The following TMEM243 variants were observed in gnomAD, a reference collection of about 807,000 sequenced individuals.
TMEM243 encodes transmembrane protein 243.
In TMEM243, 20 loss-of-function variants were observed where a neutral mutation model predicts 15.0. The ratio of observed to expected loss-of-function variants is 1.33; its 90% CI spans 0.94 to 1.93. TMEM243 has a LOEUF of 1.93. Ranked by LOEUF, TMEM243 falls within the 30% of genes most tolerant of loss-of-function variation. The pLI is 0.00. For synonymous variants in TMEM243, 72 were observed against 52.7 expected (o/e 1.37, Z -1.59); for missense variants, 156 against 142.1 (o/e 1.10, Z -0.50).
At chr7:87,209,671 CGAGAGCGAGACACAGCGA>C (rs1802528409) in intron 1 of TMEM243, among the ~76,000 whole-genome samples, 1 of 24,420 alleles carries the variant, frequency 4.1e-5, no homozygotes, top group Non-Finnish European at 7.7e-5. Flanking sequence ...CGAGAGAGAG[CGAGAGCGAGACACAGCGA>C]GAGAGCGAGA....
rs557831120 is a variant in TMEM243, at chr7:87,199,033, C to A, written c.103G>T (p.Gly35Cys). The A allele has an allele frequency of 1.2e-6, 2 of 1,605,336 alleles. No homozygotes were observed. The highest frequency in any genetic ancestry group is 4.5e-5 in the East Asian group (2 of 44,374). The change falls in exon 2 of 4, where the codon GGC becomes TGC. Residue 35 changes from glycine (G) to cysteine (C), a missense_variant. By Grantham distance (159) the Gly-to-Cys change is radical. Coordinates refer to ENST00000257637, the MANE Select transcript of TMEM243 (RefSeq NM_024315.4). The part of the protein sequence containing the change: ...AKDRIINLVV[G>C]SLTSLLILVT... ...AGAATCAATAAGGATGTTAAGCTGCCAACAACTAAATTGATGATTCGATCC... is the reference window on the plus strand; with the variant it reads ...AGAATCAATAAGGATGTTAAGCTGCAAACAACTAAATTGATGATTCGATCC...
intron 1 of TMEM243, among the ~76,000 whole-genome samples, chr7:87,212,401 C>G (rs989192184): frequency 1.3e-5 from 2 of 152,144 alleles, no homozygotes; most frequent in African/African-American, 4.8e-5. Context: ...AATATGGTCA[C>G]TATACCCATA....
At position 87,198,722 on chromosome 7, in the gene TMEM243, A is replaced by G; in HGVS notation, c.129+285T>C. 4.4e-6 allele frequency: 2 copies of G among 458,046 alleles called. 1 individual carries two copies. Among genetic ancestry groups the G allele is most frequent in the African/African-American group, 4.1e-5 (2 of 48,378 alleles). 28.4% of individuals were successfully genotyped at this position (458,046 alleles called of 1,614,324 possible). On this transcript the variant is annotated intron_variant, in intron 2 of 3. Coordinates refer to ENST00000257637, the MANE Select transcript of TMEM243 (RefSeq NM_024315.4). Reference sequence around the variant, plus strand: ...AAATAGAAATGGGGAATTATGGTAGATGACAGAAGGAAGTGGCTACTAGCC... The same window carrying G: ...AAATAGAAATGGGGAATTATGGTAGGTGACAGAAGGAAGTGGCTACTAGCC...
intron 1 of TMEM243, among the ~76,000 whole-genome samples, chr7:87,214,443 G>A (rs1043787851): frequency 2.0e-5 from 3 of 152,304 alleles, no homozygotes; most frequent in East Asian, 3.9e-4. Context: ...AGAGGAAGGC[G>A]ATTCATTGAA....
intron 1 of TMEM243, among the ~76,000 whole-genome samples, chr7:87,209,398 CAT>C (rs542091896): frequency 1.3e-5 from 2 of 151,490 alleles, no homozygotes; most frequent in African/African-American, 2.4e-5. Flanking sequence ...GAGACAAAGA[CAT>C]AGTGAATGAG....
intron 1 of TMEM243, among the ~76,000 whole-genome samples, chr7:87,213,951 T>G (rs940548398): frequency 1.3e-5 from 2 of 152,152 alleles, no homozygotes; most frequent in African/African-American, 4.8e-5. Flanking sequence ...AATCATTGAC[T>G]TTATATATCA....
At chr7:87,201,814 T>C (rs970304734) in intron 1 of TMEM243, among the ~76,000 whole-genome samples, 2 of 152,232 alleles carry the variant, frequency 1.3e-5, no homozygotes, top group South Asian at 4.1e-4. Context: ...ACTCTAGTTC[T>C]ACCTACCATA....
chr7:87,214,053 G>C (rs1443081675), intron 1 of TMEM243, among the ~76,000 whole-genome samples: 4 of 152,146 alleles, frequency 2.6e-5, no homozygotes, highest in Non-Finnish European at 5.9e-5. Flanking sequence ...CCACAGAGTG[G>C]GCTGATTTAG....
chr7:87,209,559 ACAAT>A lies in TMEM243; in HGVS notation c.78+9863_78+9866del, dbSNP rs778802755. Among the ~76,000 whole-genome samples, 665 of 149,144 alleles carry A rather than the reference ACAAT, an allele frequency of 4.5e-3. 10 individuals are homozygous for A. The highest frequency in any genetic ancestry group is 0.015 in the African/African-American group (615 of 40,314). ...GAGAAAGTGAGAGACAATGAGAGAG[ACAAT>A]GAGAGAGAGACAGTGAGAGAGACAG... On this transcript the variant is annotated intron_variant, in intron 1 of 3. Transcript: ENST00000257637.
At chr7:87,208,832 G>A (rs2129230530) in intron 1 of TMEM243, among the ~76,000 whole-genome samples, 1 of 152,330 alleles carries the variant, frequency 6.6e-6, no homozygotes, top group Admixed American at 6.5e-5. Context: ...ACATGTTTTT[G>A]AGGGCTCCCA....
Position 87,219,418 on chromosome 7 carries a change from G to A in TMEM243, c.78+8C>T, listed in dbSNP as rs1803337573. The A allele has an allele frequency of 1.2e-6, 2 of 1,613,702 alleles. No individual in the cohort carries two copies. Among genetic ancestry groups the A allele is most frequent in the Non-Finnish European group, 1.7e-6 (2 of 1,179,592 alleles). On this transcript the variant is annotated splice_region_variant and intron_variant, in intron 1 of 3. Coordinates refer to ENST00000257637, the MANE Select transcript of TMEM243 (RefSeq NM_024315.4). ...CCATCCCAGTCTGGAGTCACAATCC[G>A]CACTCACCTTGGCGGACGTCTCCCC...
chr7:87,197,624 G>T, intron 3 of TMEM243: 1 of 867,370 alleles, frequency 1.2e-6, no homozygotes, highest in South Asian at 2.5e-5. Flanking sequence ...TGGCCCTTAC[G>T]TAGTCCTTGA....
intron 1 of TMEM243, among the ~76,000 whole-genome samples, chr7:87,209,541 T>TGA (rs1469022856): frequency 2.5e-5 from 1 of 39,778 alleles, no homozygotes; most frequent in African/African-American, 1.4e-4. Flanking sequence ...AGAGAGAAAG[T>TGA]GAGAGACAAT....
chr7:87,197,669 C>T, intron 3 of TMEM243: 1 of 1,257,324 alleles, frequency 8.0e-7, no homozygotes, highest in Non-Finnish European at 1.0e-6. Flanking sequence ...AATCTTTGGC[C>T]ACCTACGTCT....
Position 87,196,748 on chromosome 7 carries a change from T to C in TMEM243, c.245A>G (p.Tyr82Cys). The C allele has an allele frequency of 6.4e-7, 1 of 1,562,984 alleles. No individual in the cohort carries two copies. The highest frequency in any genetic ancestry group is 8.7e-7 in the Non-Finnish European group (1 of 1,144,570). Reference sequence around the variant, plus strand: ...TTTCGGTTCTAAGTCTCCTTGTCGATACCAGTAGATCTAAAAGAAGAATTA... The same window carrying C: ...TTTCGGTTCTAAGTCTCCTTGTCGACACCAGTAGATCTAAAAGAAGAATTA... ...SITACILIYW[Y>C]RQGDLEPKFR... The change falls in exon 4 of 4, where the codon TAT (tyrosine) becomes TGT (cysteine). Residue 82 changes from tyrosine (Y) to cysteine (C), a missense_variant. Transcript: ENST00000257637.
rs1803357866 is a variant in TMEM243, at chr7:87,219,608, A to G, written c.-105T>C. The G allele has an allele frequency of 3.8e-6, 4 of 1,040,818 alleles. No individual in the cohort carries two copies. The South Asian group carries it at 5.6e-5, about 14-fold the overall frequency. 64.5% of individuals were successfully genotyped at this position (1,040,818 alleles called of 1,614,324 possible). On this transcript the variant is annotated 5_prime_UTR_variant, in exon 1 of 4. Coordinates refer to ENST00000257637, the MANE Select transcript of TMEM243 (RefSeq NM_024315.4). Reference sequence around the variant, plus strand: ...AGCCTCCTCCTCACGGCTCCCGCATAGCCGAACCCGAGTGGTCGGGGAAGC... The same window carrying G: ...AGCCTCCTCCTCACGGCTCCCGCATGGCCGAACCCGAGTGGTCGGGGAAGC...
chr7:87,219,932 C>T (rs1004431039), upstream of TMEM243, among the ~76,000 whole-genome samples: 3 of 152,222 alleles, frequency 2.0e-5, no homozygotes, highest in African/African-American at 7.2e-5. Flanking sequence ...CCACACGTCG[C>T]CCCCCATTTT....
intron 1 of TMEM243, among the ~76,000 whole-genome samples, chr7:87,215,087 C>T (rs1021804427): frequency 2.0e-5 from 3 of 152,048 alleles, no homozygotes; most frequent in Non-Finnish European, 4.4e-5. Flanking sequence ...ACATGGCTAG[C>T]GTGAATTCAG....
chr7:87,198,997 G>A lies in TMEM243; in HGVS notation c.129+10C>T. On this transcript the variant is annotated intron_variant, in intron 2 of 3. Transcript: ENST00000257637. ...AGAGCCTGGGTGAGGCACAAAATGAGGATACTTACTAGAATCAATAAGGAT... is the reference window on the plus strand; with the variant it reads ...AGAGCCTGGGTGAGGCACAAAATGAAGATACTTACTAGAATCAATAAGGAT... The A allele has an allele frequency of 1.3e-6, 2 of 1,591,274 alleles. No homozygotes were observed. The highest frequency in any genetic ancestry group is 1.4e-5 in the African/African-American group (1 of 72,988).
Sources: gnomAD v4.1 joint callset for allele counts (sites outside exome capture counted in the v4.1 genomes callset) on GRCh38, gnomAD v4.1.1 for gene constraint, MANE v1.5 for transcripts, NCBI Gene and HGNC (gene_info 2026-07-23, HGNC 2026-07-21) for gene names.